Variants in RBCK1 observed in about 807,000 individuals in gnomAD.
RBCK1 encodes ranBP-type and C3HC4-type zinc finger-containing protein 1.
RBCK1 carries 44 observed loss-of-function variants against 71.1 expected under a neutral mutation model. The observed-to-expected ratio is 0.62, with a 90% CI of 0.49 to 0.80. RBCK1 has a LOEUF of 0.80. Ranked by LOEUF, RBCK1 falls within the 30% of genes least tolerant of loss-of-function variation. The pLI, the probability that RBCK1 is intolerant of heterozygous loss-of-function variation, is 0.00. For missense variants in RBCK1, 569 were observed against 685.0 expected (o/e 0.83, Z 1.89); for synonymous variants, 306 against 279.7 (o/e 1.09, Z -0.94).
intron 8 of RBCK1, among the ~76,000 whole-genome samples, chr20:425,496 TTTG>T (rs1471179474): frequency 2.6e-5 from 4 of 152,254 alleles, no homozygotes; most frequent in African/African-American, 7.2e-5. Flanking sequence ...CGCTTTAGCT[TTTG>T]TTATTTTGCT....
chr20:426,668 T>C (rs886758307), intron 8 of RBCK1, among the ~76,000 whole-genome samples: 13 of 152,158 alleles, frequency 8.5e-5, no homozygotes, highest in African/African-American at 3.1e-4. Context: ...AAAATAGACA[T>C]AACATTTACC....
chr20:429,021 G>T lies in RBCK1; in HGVS notation c.1379G>T (p.Cys460Phe). Residue 460 changes from cysteine (C) to phenylalanine (F), a missense_variant, in exon 11 of 12, where the codon TGC becomes TTC. Coordinates refer to ENST00000356286, the MANE Select transcript of RBCK1 (RefSeq NM_031229.4). ...CQIVVQKKDG[C>F]DWIRCTVCHT... ...ATCGTGGTACAGAAGAAGGACGGCT[G>T]CGACTGGATCCGCTGCACCGTCTGC... The T allele has an allele frequency of 6.2e-7, 1 of 1,612,562 alleles. No homozygotes were observed. Among genetic ancestry groups the T allele is most frequent in the African/African-American group, 1.3e-5 (1 of 75,044 alleles).
rs1260041325 is a variant in RBCK1, at chr20:430,709, C to T, written c.*279C>T. 1 of 496,266 alleles carries T rather than the reference C, an allele frequency of 2.0e-6. No individual in the cohort carries two copies. Among genetic ancestry groups the T allele is most frequent in the African/African-American group, 1.9e-5 (1 of 51,356 alleles). 30.7% of individuals were successfully genotyped at this position (496,266 alleles called of 1,614,324 possible). On this transcript the variant is annotated 3_prime_UTR_variant, in exon 12 of 12. Transcript: ENST00000356286. This position sits in a 1 kb window ranked among gnomAD's most constrained non-coding sequence, Gnocchi z 5.6. The stretch of plus-strand genomic sequence containing the variant: ...TGCTGGGTGGAGCCTCTGTGTGACT[C>T]CATACTCCTCCCACCACAACACTCA...
chr20:417,485 C>T lies in RBCK1; in HGVS notation c.168-41C>T, dbSNP rs374473934. ...TGTAGCCGGTGGCTGAGGCTGGACC[C>T]CTGGCCAGAGCCCATGCTGAGCCCC... On this transcript the variant is annotated intron_variant, in intron 2 of 11. Coordinates refer to ENST00000356286, the MANE Select transcript of RBCK1 (RefSeq NM_031229.4). This position sits in a 1 kb window ranked among gnomAD's most constrained non-coding sequence, Gnocchi z 4.7. The T allele has an allele frequency of 6.9e-6, 11 of 1,595,794 alleles. No homozygotes were observed. Among genetic ancestry groups the T allele is most frequent in the Non-Finnish European group, 8.6e-6 (10 of 1,165,962 alleles).
intron 2 of RBCK1, among the ~76,000 whole-genome samples, chr20:411,003 C>T (rs1268642906): frequency 2.0e-5 from 3 of 152,230 alleles, no homozygotes; most frequent in East Asian, 3.9e-4. Flanking sequence ...AAACCTGGTA[C>T]TCATTAGCAG....
At position 419,629 on chromosome 20, in the gene RBCK1, G is replaced by A. The variant is rs149541936; in HGVS notation, c.654G>A (p.Arg218=). 856 of 1,590,648 alleles carry A rather than the reference G, an allele frequency of 5.4e-4. 1 individual carries two copies. The highest frequency in any genetic ancestry group is 8.9e-4 in the Admixed American group (51 of 57,004). The stretch of plus-strand genomic sequence containing the variant: ...GGCCTGGCTGTGAGATGTGCTGCCG[G>A]GCGCGCCCCGAGGCCTACCAGGTCC... ...PTRPGCEMCC[R]ARPEAYQVPA... is the part of the protein sequence containing the mutation. The change falls in exon 6 of 12, where the codon CGG becomes CGA. Residue 218 remains arginine, a synonymous_variant. Coordinates refer to ENST00000356286, the MANE Select transcript of RBCK1 (RefSeq NM_031229.4).
chr20:425,072 G>A (rs1384249572), intron 8 of RBCK1, among the ~76,000 whole-genome samples: 2 of 151,730 alleles, frequency 1.3e-5, no homozygotes, highest in South Asian at 2.1e-4. Flanking sequence ...GTGCAATGGC[G>A]CGATCTCAGC....
At chr20:426,134 A>G (rs891238733) in intron 8 of RBCK1, among the ~76,000 whole-genome samples, 1 of 152,224 alleles carries the variant, frequency 6.6e-6, no homozygotes, top group Non-Finnish European at 1.5e-5. Flanking sequence ...AAATACTTTG[A>G]TACAGGCATG....
In RBCK1 at chr20:422,594, A is replaced by G. The variant is rs1392717036; in HGVS notation, c.1029+356A>G. Among the ~76,000 whole-genome samples, 1 of 151,894 alleles carries G rather than the reference A, an allele frequency of 6.6e-6. No homozygotes were observed. Among genetic ancestry groups the G allele is most frequent in the Non-Finnish European group, 1.5e-5 (1 of 67,976 alleles). On this transcript the variant is annotated intron_variant, in intron 8 of 11. Transcript: ENST00000356286. This position sits in a 1 kb window ranked among gnomAD's most constrained non-coding sequence, Gnocchi z 5.0. ...CCTGTAATCCCAGCACTTTGGGAGG[A>G]TGAAGTGGGCAGATTGCTTGAACCC... is the stretch of plus-strand genomic sequence containing the variant.
chr20:423,924 G>A (rs1165945655), intron 8 of RBCK1, among the ~76,000 whole-genome samples: 2 of 152,176 alleles, frequency 1.3e-5, no homozygotes, highest in Non-Finnish European at 2.9e-5. Context: ...GGCTGCCCGG[G>A]CCTTCTCATG....
intron 4 of RBCK1, among the ~76,000 whole-genome samples, chr20:418,753 T>G (rs1412212660): frequency 6.6e-6 from 1 of 152,234 alleles, no homozygotes; most frequent in Non-Finnish European, 1.5e-5. Flanking sequence ...AGACATGATG[T>G]CTCTTTCCCC....
intron 2 of RBCK1, chr20:410,406 T>G (rs765970206): frequency 2.6e-6 from 2 of 779,582 alleles, no homozygotes; most frequent in South Asian, 2.7e-5. Context: ...TGCCATTCAT[T>G]CCCAGATTCC....
Position 408,752 on chromosome 20 carries a change from C to A in RBCK1, c.-6C>A, listed in dbSNP as rs377615436. The A allele has an allele frequency of 3.1e-6, 5 of 1,612,442 alleles. No homozygotes were observed. The highest frequency in any genetic ancestry group is 4.2e-6 in the Non-Finnish European group (5 of 1,179,554). Reference sequence around the variant, plus strand: ...CCCCCCAGGGGGATGGGCACAGCCACGCCAGATGGACGAGAAGACCAAGAA... The same window carrying A: ...CCCCCCAGGGGGATGGGCACAGCCAAGCCAGATGGACGAGAAGACCAAGAA... On this transcript the variant is annotated 5_prime_UTR_variant, in exon 1 of 12. Coordinates refer to ENST00000356286, the MANE Select transcript of RBCK1 (RefSeq NM_031229.4).
At chr20:423,922 G>A (rs570881424) in intron 8 of RBCK1, among the ~76,000 whole-genome samples, 2 of 152,270 alleles carry the variant, frequency 1.3e-5, no homozygotes, top group African/African-American at 4.8e-5. Flanking sequence ...CAGGCTGCCC[G>A]GGCCTTCTCA....
chr20:415,713 C>G (rs2015943781), intron 2 of RBCK1, among the ~76,000 whole-genome samples: 1 of 152,170 alleles, frequency 6.6e-6, no homozygotes, highest in African/African-American at 2.4e-5. Context: ...AAAGAAATAT[C>G]TGAGACTGGG....
Position 424,369 on chromosome 20 carries a change from A to G in RBCK1, c.1029+2131A>G, listed in dbSNP as rs1023229413. The stretch of plus-strand genomic sequence containing the variant: ...GCACTGTGGGTTCCCAGGCCAAAAC[A>G]TGGCAGCCGAGGCCCAAATGGGAGA... On this transcript the variant is annotated intron_variant, in intron 8 of 11. Coordinates refer to ENST00000356286, the MANE Select transcript of RBCK1 (RefSeq NM_031229.4). Among the ~76,000 whole-genome samples the G allele has an allele frequency of 3.9e-5, 6 of 151,908 alleles. No individual in the cohort carries two copies. In the South Asian group the frequency reaches 6.2e-4, roughly 16 times the overall value.
chr20:430,255 C>A lies in RBCK1; in HGVS notation c.1453-95C>A. Reference sequence around the variant, plus strand: ...GACCAGGCCATTCTTGCAGGAGGACCTGCAGAGGCAAAGGCCCGGGGTGGG... The same window carrying A: ...GACCAGGCCATTCTTGCAGGAGGACATGCAGAGGCAAAGGCCCGGGGTGGG... On this transcript the variant is annotated intron_variant, in intron 11 of 11. Coordinates refer to ENST00000356286, the MANE Select transcript of RBCK1 (RefSeq NM_031229.4). The surrounding 1 kb of genome is among the most constrained non-coding windows in gnomAD (Gnocchi z 5.6). 1.8e-6 allele frequency: 2 copies of A among 1,123,740 alleles called. No individual in the cohort carries two copies. The highest frequency in any genetic ancestry group is 1.3e-6 in the Non-Finnish European group (1 of 757,284). 69.6% of individuals were successfully genotyped at this position (1,123,740 alleles called of 1,614,324 possible).
chr20:415,594 A>G (rs529790930), intron 2 of RBCK1, among the ~76,000 whole-genome samples: 6 of 151,634 alleles, frequency 4.0e-5, no homozygotes, highest in African/African-American at 1.5e-4. Context: ...TTATGCCACT[A>G]GTTTTTTTTT....
In RBCK1 at chr20:431,402, C is replaced by CAG. The variant is rs2017010496; in HGVS notation, c.*973_*974dup. 6.6e-6 allele frequency among the ~76,000 whole-genome samples: 1 copy of CAG among 152,156 alleles called. No individual in the cohort carries two copies. The highest frequency in any genetic ancestry group is 2.1e-4 in the South Asian group (1 of 4,832). On this transcript the variant is annotated 3_prime_UTR_variant, in exon 12 of 12. Coordinates refer to ENST00000356286, the MANE Select transcript of RBCK1 (RefSeq NM_031229.4). The surrounding 1 kb of genome is among the most constrained non-coding windows in gnomAD (Gnocchi z 4.8). ...GCAAGATGGCACAGTATCGATTCAG[C>CAG]AGTATTTACTAGAACCCACTCTGTG...
Sources: allele counts gnomAD v4.1 joint callset (sites outside exome capture counted in the v4.1 genomes callset), GRCh38; gene constraint gnomAD v4.1.1; non-coding constraint Gnocchi (gnomAD v3.1); transcripts MANE v1.5; gene names NCBI Gene and HGNC (gene_info 2026-07-23, HGNC 2026-07-21).